The following ASIC2 variants were observed in gnomAD, a reference collection of about 807,000 sequenced individuals.
ASIC2 encodes the protein acid-sensing ion channel 2.
In ASIC2, 25 loss-of-function variants were observed where a neutral mutation model predicts 57.3. That is an observed-to-expected ratio of 0.44 (90% CI 0.32 to 0.61). The LOEUF (loss-of-function observed/expected upper bound fraction) is 0.61. Among genes scored for constraint, ASIC2 ranks in the 20% least tolerant of loss-of-function variants. The pLI, the probability that ASIC2 is intolerant of heterozygous loss-of-function variation, is 0.06. For synonymous variants in ASIC2, 319 were observed against 307.5 expected, an observed-to-expected ratio of 1.04 and a Z score of -0.39; for missense variants, 641 against 738.1, an observed-to-expected ratio of 0.87 and a Z score of 1.52.
At position 33,128,680 on chromosome 17, in the gene ASIC2, C is replaced by T. The variant is rs113851338; in HGVS notation, c.709-16613G>A. On this transcript the variant is annotated intron_variant, in intron 1 of 9. Coordinates refer to ENST00000225823, the MANE Select transcript of ASIC2 (RefSeq NM_183377.2). ...TGTATCCCCATTGGATTTGGGGTAC[C>T]CCTGGGGAAAGGACGGAACTGTGGG... 4.1e-3 allele frequency among the ~76,000 whole-genome samples: 630 copies of T among 152,222 alleles called. 12 individuals carry two copies. Among genetic ancestry groups the T allele is most frequent in the African/African-American group, 0.014 (597 of 41,502 alleles).
chr17:33,429,285 T>C (rs1911322122), intron 1 of ASIC2, among the ~76,000 whole-genome samples: 1 of 152,152 alleles, frequency 6.6e-6, no homozygotes, highest in African/African-American at 2.4e-5. Context: ...TAGAGACAAA[T>C]AAGAGATAAG....
At chr17:33,032,599 C>A (rs1029834730) in intron 3 of ASIC2, among the ~76,000 whole-genome samples, 2 of 152,054 alleles carry the variant, frequency 1.3e-5, no homozygotes, top group African/African-American at 4.8e-5. Context: ...CAGGGATGCA[C>A]CACCATGCCC....
At chr17:33,662,613 A>G (rs1395339239) in intron 1 of ASIC2, among the ~76,000 whole-genome samples, 1 of 147,760 alleles carries the variant, frequency 6.8e-6, no homozygotes, top group African/African-American at 2.5e-5. Context: ...ACAAAGCAAG[A>G]CTCTGTCTCA....
intron 2 of ASIC2, among the ~76,000 whole-genome samples, chr17:33,090,288 C>G (rs2092152326): frequency 6.6e-6 from 1 of 152,238 alleles, no homozygotes; most frequent in South Asian, 2.1e-4. Flanking sequence ...CATCTGCCTG[C>G]TGGAGCCCCT....
chr17:33,064,685 C>T (rs1170257545), intron 3 of ASIC2, among the ~76,000 whole-genome samples: 1 of 152,204 alleles, frequency 6.6e-6, no homozygotes, highest in Admixed American at 6.5e-5. Flanking sequence ...AGATCTCAAA[C>T]TCCGTGCTGG....
chr17:33,924,482 G>A (rs1915780985), intron 1 of ASIC2, among the ~76,000 whole-genome samples: 1 of 152,228 alleles, frequency 6.6e-6, no homozygotes, highest in African/African-American at 2.4e-5. Context: ...ATGCATTCAT[G>A]CTAGGAAAGC....
chr17:33,764,146 C>T (rs912958793), intron 1 of ASIC2, among the ~76,000 whole-genome samples: 1 of 151,874 alleles, frequency 6.6e-6, no homozygotes, highest in African/African-American at 2.4e-5. Context: ...CAAAACAAAA[C>T]AAAACAACAA....
At chr17:33,428,848 G>A (rs1281219111) in intron 1 of ASIC2, among the ~76,000 whole-genome samples, 4 of 152,192 alleles carry the variant, frequency 2.6e-5, no homozygotes, top group Admixed American at 2.6e-4. Context: ...AATGATGACA[G>A]CTGATTCTGA....
At chr17:33,443,213 T>C (rs191009885) in intron 1 of ASIC2, among the ~76,000 whole-genome samples, 2 of 152,274 alleles carry the variant, frequency 1.3e-5, no homozygotes, top group East Asian at 1.9e-4. Context: ...GGTCTGCAGG[T>C]TTCCTTGCTT....
chr17:33,073,329 G>T (rs144240280), intron 3 of ASIC2, among the ~76,000 whole-genome samples: 1 of 152,188 alleles, frequency 6.6e-6, no homozygotes, highest in Non-Finnish European at 1.5e-5. Flanking sequence ...GTTACCAAAA[G>T]TTCTGTCCAC....
intron 1 of ASIC2, among the ~76,000 whole-genome samples, chr17:33,117,507 C>T (rs558646933): frequency 1.1e-4 from 16 of 152,240 alleles, no homozygotes; most frequent in South Asian, 2.1e-4. Context: ...CCCAACCACC[C>T]GGAAGTAGAG....
chr17:33,706,478 C>T (rs898554661), intron 1 of ASIC2, among the ~76,000 whole-genome samples: 2 of 152,136 alleles, frequency 1.3e-5, no homozygotes, highest in Admixed American at 1.3e-4. Flanking sequence ...CCCACCTTCA[C>T]CTCCCAAAGT....
chr17:33,443,392 T>C (rs796539058), intron 1 of ASIC2, among the ~76,000 whole-genome samples: 3 of 148,390 alleles, frequency 2.0e-5, no homozygotes, highest in African/African-American at 7.5e-5. Flanking sequence ...TTTTTATGTA[T>C]GGTGGAGGGT....
intron 1 of ASIC2, among the ~76,000 whole-genome samples, chr17:33,171,830 G>T (rs1039356436): frequency 1.3e-5 from 2 of 152,102 alleles, no homozygotes; most frequent in African/African-American, 4.8e-5. Flanking sequence ...AGTAACTTGT[G>T]CTTGCTCCAC....
chr17:33,375,593 C>T (rs1238632923), intron 1 of ASIC2, among the ~76,000 whole-genome samples: 1 of 152,132 alleles, frequency 6.6e-6, no homozygotes, highest in African/African-American at 2.4e-5. Flanking sequence ...ACTACAGGGG[C>T]TGACAGTGGA....
At chr17:33,952,927 G>T (rs918794376) in intron 1 of ASIC2, among the ~76,000 whole-genome samples, 2 of 152,056 alleles carry the variant, frequency 1.3e-5, no homozygotes, top group Non-Finnish European at 2.9e-5. Context: ...ATTATAAAAG[G>T]TTGGAAGAAA....
At chr17:33,269,775 T>TTCCTTCC (rs1904410573) in intron 1 of ASIC2, among the ~76,000 whole-genome samples, 2 of 96,434 alleles carry the variant, frequency 2.1e-5, no homozygotes, top group African/African-American at 8.7e-5. Context: ...TCCTTCCTTC[T>TTCCTTCC]TTCCTTTTTC....
In ASIC2 at chr17:33,176,124, C is replaced by T. The variant is rs148573328; in HGVS notation, c.709-64057G>A. Among the ~76,000 whole-genome samples, 797 of 152,304 alleles carry T rather than the reference C, an allele frequency of 5.2e-3. 15 individuals are homozygous for T. The highest frequency in any genetic ancestry group is 0.018 in the African/African-American group (765 of 41,566). ...GTGAACATTTCTTCATCCTTCAGAG[C>T]CCCACTCCTCCTTGGAGAATCTCCA... On this transcript the variant is annotated intron_variant, in intron 1 of 9. Transcript: ENST00000225823.
intron 1 of ASIC2, among the ~76,000 whole-genome samples, chr17:34,029,375 C>CAAAA (rs60189628): frequency 1.8e-5 from 2 of 110,456 alleles, no homozygotes; most frequent in African/African-American, 5.7e-5. Context: ...GTGCTAAAAC[C>CAAAA]AAAAAAAAAA....
Sources: gnomAD v4.1 joint callset for allele counts (sites outside exome capture counted in the v4.1 genomes callset) on GRCh38, gnomAD v4.1.1 for gene constraint, MANE v1.5 for transcripts, NCBI Gene and HGNC (gene_info 2026-07-23, HGNC 2026-07-21) for gene names.